RAD51B: variants seen among roughly 807,000 people sequenced by gnomAD.
RAD51B encodes the protein RAD51 paralog B.
Under a neutral mutation model 42.2 loss-of-function variants are expected in RAD51B, and 38 were observed. The ratio of observed to expected loss-of-function variants is 0.90; its 90% CI spans 0.70 to 1.18. The LOEUF (loss-of-function observed/expected upper bound fraction) is 1.18. Ranked by LOEUF, RAD51B falls within the 50% of genes most tolerant of loss-of-function variation. The pLI is 0.00. For missense variants in RAD51B, 373 were observed against 400.7 expected, an observed-to-expected ratio of 0.93 and a Z score of 0.59; for synonymous variants, 154 against 145.2, an observed-to-expected ratio of 1.06 and a Z score of -0.43.
At chr14:68,218,575 A>T (rs1219085760) in intron 7 of RAD51B, among the ~76,000 whole-genome samples, 1 of 152,258 alleles carries the variant, frequency 6.6e-6, no homozygotes, top group African/African-American at 2.4e-5. Flanking sequence ...ATTAGCATTG[A>T]TTTCATAGCT....
chr14:68,188,543 A>G (rs996457371), intron 7 of RAD51B, among the ~76,000 whole-genome samples: 36 of 152,216 alleles, frequency 2.4e-4, no homozygotes, highest in Non-Finnish European at 1.3e-4. Flanking sequence ...GTATTAGCCA[A>G]TCCATTACTT....
chr14:68,038,713 G>T (rs1299555588), intron 7 of RAD51B, among the ~76,000 whole-genome samples: 1 of 152,152 alleles, frequency 6.6e-6, no homozygotes, highest in Non-Finnish European at 1.5e-5. Flanking sequence ...GGCCAATGAT[G>T]TGTTGGAGGC....
intron 7 of RAD51B, among the ~76,000 whole-genome samples, chr14:68,001,155 A>G (rs572914704): frequency 6.6e-6 from 1 of 152,170 alleles, no homozygotes; most frequent in South Asian, 2.1e-4. Context: ...CAGAAAATTG[A>G]TTTTTATATT....
intron 7 of RAD51B, among the ~76,000 whole-genome samples, chr14:68,077,860 G>A (rs1009346874): frequency 6.6e-6 from 1 of 152,228 alleles, no homozygotes; most frequent in Non-Finnish European, 1.5e-5. Context: ...GGTGGCTGAG[G>A]CAGGCGAATC....
intron 10 of RAD51B, among the ~76,000 whole-genome samples, chr14:68,581,367 G>A (rs552050644): frequency 4.8e-4 from 73 of 152,286 alleles, no homozygotes; most frequent in African/African-American, 1.7e-3. Flanking sequence ...CTGTGGAAGC[G>A]TTCTGAGTAC....
chr14:67,949,503 A>G (rs1230087291), intron 7 of RAD51B, among the ~76,000 whole-genome samples: 5 of 152,168 alleles, frequency 3.3e-5, no homozygotes, highest in Non-Finnish European at 5.9e-5. Context: ...TGCTATTTGT[A>G]TCACATCTAC....
intron 9 of RAD51B, among the ~76,000 whole-genome samples, chr14:68,440,483 G>A (rs1008028805): frequency 3.3e-5 from 5 of 152,170 alleles, no homozygotes; most frequent in African/African-American, 9.7e-5. Context: ...AGTGGCTCAC[G>A]CTTGTAATCC....
intron 7 of RAD51B, among the ~76,000 whole-genome samples, chr14:68,015,632 G>GA (rs2075767046): frequency 6.6e-6 from 1 of 152,094 alleles, no homozygotes; most frequent in African/African-American, 2.4e-5. Flanking sequence ...AACAGCATGG[G>GA]AAAAAACCTG....
At chr14:68,556,565 G>T (rs1888857715) in intron 10 of RAD51B, among the ~76,000 whole-genome samples, 1 of 152,182 alleles carries the variant, frequency 6.6e-6, no homozygotes, top group South Asian at 2.1e-4. Context: ...GAACAAGACT[G>T]AGGAGTCTTT....
chr14:67,894,438 CG>C, intron 7 of RAD51B, among the ~76,000 whole-genome samples: 1 of 152,070 alleles, frequency 6.6e-6, no homozygotes, highest in East Asian at 1.9e-4. Context: ...CTTTCCTTTT[CG>C]ATTCCACCTA....
intron 7 of RAD51B, among the ~76,000 whole-genome samples, chr14:68,084,763 C>T (rs961562128): frequency 2.0e-5 from 3 of 152,240 alleles, no homozygotes; most frequent in South Asian, 4.1e-4. Context: ...ATTCATTCAA[C>T]AAAAATATAT....
intron 4 of RAD51B, among the ~76,000 whole-genome samples, chr14:67,861,082 G>A (rs1192145654): frequency 5.9e-5 from 9 of 152,110 alleles, no homozygotes; most frequent in South Asian, 2.1e-4. Flanking sequence ...AGTTCCAGCC[G>A]CTTGAGTGGT....
chr14:68,253,038 A>C (rs2080672340), intron 7 of RAD51B, among the ~76,000 whole-genome samples: 1 of 151,814 alleles, frequency 6.6e-6, no homozygotes, highest in Non-Finnish European at 1.5e-5. Context: ...AGCCAAGATC[A>C]TGCCATTGCA....
At chr14:67,989,874 T>C (rs1186621889) in intron 7 of RAD51B, among the ~76,000 whole-genome samples, 2 of 152,118 alleles carry the variant, frequency 1.3e-5, no homozygotes, top group Non-Finnish European at 1.5e-5. Context: ...TTAGGCAGTT[T>C]TATTCCCCAG....
At chr14:67,971,795 C>G (rs983057058) in intron 7 of RAD51B, among the ~76,000 whole-genome samples, 3 of 151,780 alleles carry the variant, frequency 2.0e-5, no homozygotes, top group African/African-American at 7.3e-5. Flanking sequence ...AATATTTGCC[C>G]TTGGATGAGT....
chr14:68,184,014 A>T (rs2079105552), intron 7 of RAD51B, among the ~76,000 whole-genome samples: 1 of 149,270 alleles, frequency 6.7e-6, no homozygotes, highest in Non-Finnish European at 1.5e-5. Context: ...AATGGCATGA[A>T]CCTGGGAGAC....
At chr14:68,631,175 G>A (rs1417439405) in intron 10 of RAD51B, among the ~76,000 whole-genome samples, 1 of 152,174 alleles carries the variant, frequency 6.6e-6, no homozygotes, top group East Asian at 1.9e-4. Context: ...ATGAAATTCT[G>A]GACGTATATG....
chr14:68,570,571 G>A (rs1566941059), intron 10 of RAD51B, among the ~76,000 whole-genome samples: 1 of 152,178 alleles, frequency 6.6e-6, no homozygotes, highest in Non-Finnish European at 1.5e-5. Flanking sequence ...CCTATCATCA[G>A]GGAGTCTAAA....
intron 7 of RAD51B, among the ~76,000 whole-genome samples, chr14:68,244,630 C>T (rs541069863): frequency 6.6e-6 from 1 of 152,258 alleles, no homozygotes; most frequent in East Asian, 1.9e-4. Context: ...TTCTTTGTTG[C>T]AAGCAATTGG....
Sources: gnomAD v4.1 joint callset for allele counts (sites outside exome capture counted in the v4.1 genomes callset) on GRCh38, gnomAD v4.1.1 for gene constraint, MANE v1.5 for transcripts, NCBI Gene and HGNC (gene_info 2026-07-23, HGNC 2026-07-21) for gene names.